SDC3: variants seen among roughly 807,000 people sequenced by gnomAD.
SDC3 encodes the protein syndecan-3.
SDC3 carries 13 observed loss-of-function variants against 24.4 expected under a neutral mutation model. The observed-to-expected ratio is 0.53, with a 90% CI of 0.35 to 0.85. The LOEUF (loss-of-function observed/expected upper bound fraction) is 0.85. SDC3 is among the 40% of genes least tolerant of loss of function. The pLI is 0.01. For synonymous variants in SDC3, 295 were observed against 260.9 expected (o/e 1.13, Z -1.26); for missense variants, 571 against 584.5 (o/e 0.98, Z 0.24).
rs564504543 is a variant in SDC3, at chr1:30,878,987, G to A, written c.139-247C>T. ...GGCTGATGACTTTCTCTTAGAAACTGGTCATTTTTCATCTTGACTGCACAT... is the reference window on the plus strand; with the variant it reads ...GGCTGATGACTTTCTCTTAGAAACTAGTCATTTTTCATCTTGACTGCACAT... On this transcript the variant is annotated intron_variant, in intron 1 of 4. Transcript: ENST00000339394. The A allele has an allele frequency of 2.2e-5, 11 of 490,654 alleles. No homozygotes were observed. The South Asian group carries it at 2.6e-4, about 11-fold the overall frequency. The allele number at this position is 490,654 out of a possible 1,614,324, so 30.4% of individuals were successfully genotyped here. A position where few individuals can be genotyped will look rare whatever the true frequency, so the allele number is the denominator to read the frequency against.
At chr1:30,893,168 C>A (rs1639930641) in intron 1 of SDC3, among the ~76,000 whole-genome samples, 1 of 152,100 alleles carries the variant, frequency 6.6e-6, no homozygotes, top group Non-Finnish European at 1.5e-5. Flanking sequence ...GGTGCAGGGT[C>A]AGGGGAATCG....
intron 1 of SDC3, among the ~76,000 whole-genome samples, chr1:30,895,519 C>G (rs181092983): frequency 8.5e-5 from 13 of 152,326 alleles, no homozygotes; most frequent in African/African-American, 2.9e-4. Context: ...CCCTCAACAG[C>G]CACACTTCAT....
At chr1:30,908,409 C>G (rs1638575063) in intron 1 of SDC3, 40 bp downstream of exon 1, 1 of 1,007,554 alleles carries the variant, frequency 9.9e-7, no homozygotes, top group African/African-American at 1.8e-5. Context: ...GGGGGCGGCC[C>G]CGGGGAGCCG....
intron 3 of SDC3, among the ~76,000 whole-genome samples, chr1:30,876,321 C>T (rs1233990539): frequency 6.6e-6 from 1 of 152,178 alleles, no homozygotes; most frequent in East Asian, 1.9e-4. Flanking sequence ...CACCCAATTC[C>T]TTCCCCACCA....
chr1:30,887,607 A>G (rs556454993), intron 1 of SDC3, among the ~76,000 whole-genome samples: 1 of 152,198 alleles, frequency 6.6e-6, no homozygotes, highest in African/African-American at 2.4e-5. Context: ...ATCGCTTACC[A>G]CTGCCTGAAA....
In SDC3 at chr1:30,873,410, G is replaced by C. The variant is rs991647087; in HGVS notation, c.1163-33C>G. ...AGAAGAGGGCACAGGTCAAGGCCCA[G>C]AGGCAGGGTAGAACCAGGGCAAAGG... On this transcript the variant is annotated intron_variant, in intron 4 of 4. Transcript: ENST00000339394. 3.8e-6 allele frequency: 6 copies of C among 1,595,076 alleles called. No individual in the cohort carries two copies. The African/African-American group carries it at 6.7e-5, about 18-fold the overall frequency.
At chr1:30,892,061 C>A (rs1055996565) in intron 1 of SDC3, among the ~76,000 whole-genome samples, 1 of 151,966 alleles carries the variant, frequency 6.6e-6, no homozygotes, top group Non-Finnish European at 1.5e-5. Flanking sequence ...GCAGGTCCTG[C>A]GTTCCCCAGG....
intron 1 of SDC3, among the ~76,000 whole-genome samples, chr1:30,886,589 G>C (rs1639832363): frequency 6.6e-6 from 1 of 152,150 alleles, no homozygotes; most frequent in African/African-American, 2.4e-5. Context: ...AGCCTGTTAA[G>C]CCACCAGTGG....
In SDC3 at chr1:30,873,004, AG is replaced by A. The variant is rs1639567299; in HGVS notation, c.*206del. On this transcript the variant is annotated 3_prime_UTR_variant, in exon 5 of 5. Coordinates refer to ENST00000339394, the MANE Select transcript of SDC3 (RefSeq NM_014654.4). ...GAGGGGAACAAGAGATGAGCTCGTA[AG>A]GGCACAGTCTGGGGCAGATGGCAGC... is the stretch of plus-strand genomic sequence containing the variant. 1 of 575,266 alleles carries A rather than the reference AG, an allele frequency of 1.7e-6. No homozygotes were observed. Among genetic ancestry groups the A allele is most frequent in the Admixed American group, 3.2e-5 (1 of 30,972 alleles). The allele number at this position is 575,266 out of a possible 1,614,324, so 35.6% of individuals were successfully genotyped here. A position where few individuals can be genotyped will look rare whatever the true frequency, so the allele number is the denominator to read the frequency against.
chr1:30,880,394 G>A (rs79970377), intron 1 of SDC3, among the ~76,000 whole-genome samples: 4,623 of 149,830 alleles, frequency 0.031, 287 homozygotes, highest in African/African-American at 0.11. Flanking sequence ...CTGGGGGTAC[G>A]AGAGAAGGAG....
At chr1:30,899,521 C>T (rs1638363887) in intron 1 of SDC3, among the ~76,000 whole-genome samples, 1 of 152,210 alleles carries the variant, frequency 6.6e-6, no homozygotes, top group African/African-American at 2.4e-5. Context: ...TTACAGGCAC[C>T]TGCCACCGCC....
chr1:30,881,008 A>C (rs1639734927), intron 1 of SDC3, among the ~76,000 whole-genome samples: 1 of 141,436 alleles, frequency 7.1e-6, no homozygotes, highest in African/African-American at 2.7e-5. Context: ...CCATACCCCC[A>C]AGACACGCGC....
At chr1:30,892,426 G>A (rs963888497) in intron 1 of SDC3, among the ~76,000 whole-genome samples, 3 of 149,740 alleles carry the variant, frequency 2.0e-5, no homozygotes, top group Non-Finnish European at 4.4e-5. Context: ...TTAGCCCCAG[G>A]CCCCCAGGCC....
intron 1 of SDC3, among the ~76,000 whole-genome samples, chr1:30,905,638 GAGTATTCAA>G (rs1359053513): frequency 6.6e-6 from 1 of 152,034 alleles, no homozygotes; most frequent in Non-Finnish European, 1.5e-5. Context: ...CCATCACTGG[GAGTATTCAA>G]ACAAGACTAA....
chr1:30,889,399 G>T (rs1386457329), intron 1 of SDC3, among the ~76,000 whole-genome samples: 1 of 152,106 alleles, frequency 6.6e-6, no homozygotes, highest in East Asian at 1.9e-4. Context: ...ACAGTACGTG[G>T]TCAGCACGTA....
At chr1:30,891,698 C>G (rs1639906464) in intron 1 of SDC3, among the ~76,000 whole-genome samples, 1 of 151,772 alleles carries the variant, frequency 6.6e-6, no homozygotes, top group Non-Finnish European at 1.5e-5. Context: ...ACTAAAAATA[C>G]AAAAATTAGC....
chr1:30,889,684 A>G (rs549012871), intron 1 of SDC3, among the ~76,000 whole-genome samples: 24 of 152,346 alleles, frequency 1.6e-4, no homozygotes, highest in Admixed American at 1.6e-3. Flanking sequence ...GAATGTGATC[A>G]AAAAGTCAGA....
At chr1:30,893,734 G>A (rs1326048434) in intron 1 of SDC3, among the ~76,000 whole-genome samples, 2 of 152,046 alleles carry the variant, frequency 1.3e-5, no homozygotes, top group Non-Finnish European at 2.9e-5. Flanking sequence ...GTTTCCCCAG[G>A]CAGGTGGTGA....
chr1:30,908,537 G>C lies in SDC3; in HGVS notation c.50C>G (p.Ala17Gly). ...HRAGAAHGAG[A>G]GAGAAAGPGA... ...GGGCCCGGCCGCGGCCCCGGCCCCG[G>C]CGCCGGCCCCGTGGGCGGCCCCGGC... Residue 17 changes from alanine to glycine, a missense_variant, in exon 1 of 5, where the codon GCC becomes GGC. Transcript: ENST00000339394. 3 of 936,338 alleles carry C rather than the reference G, an allele frequency of 3.2e-6. No homozygotes were observed. Among genetic ancestry groups the C allele is most frequent in the African/African-American group, 3.7e-5 (2 of 54,014 alleles). 58.0% of individuals were successfully genotyped at this position (936,338 alleles called of 1,614,324 possible).
Sources: allele counts gnomAD v4.1 joint callset (sites outside exome capture counted in the v4.1 genomes callset), GRCh38; gene constraint gnomAD v4.1.1; transcripts MANE v1.5; gene names NCBI Gene and HGNC (gene_info 2026-07-23, HGNC 2026-07-21).